EXT1: variants seen among roughly 807,000 people sequenced by gnomAD.
EXT1 encodes the protein exostosin glycosyltransferase 1, also known as exostosin-1.
In EXT1, 20 loss-of-function variants were observed where a neutral mutation model predicts 82.5. The ratio of observed to expected loss-of-function variants is 0.24; its 90% CI spans 0.17 to 0.35. The LOEUF is 0.35. Among genes scored for constraint, EXT1 ranks in the 10% least tolerant of loss-of-function variants. The pLI, the probability that EXT1 is intolerant of heterozygous loss-of-function variation, is 1.00. For synonymous variants in EXT1, 348 were observed against 350.8 expected (o/e 0.99, Z 0.09); for missense variants, 757 against 936.5 (o/e 0.81, Z 2.50).
chr8:118,026,222 T>C (rs1267721752), intron 1 of EXT1, among the ~76,000 whole-genome samples: 1 of 152,130 alleles, frequency 6.6e-6, no homozygotes, highest in African/African-American at 2.4e-5. Flanking sequence ...AATAATGACA[T>C]CACTCCTCTG....
intron 1 of EXT1, among the ~76,000 whole-genome samples, chr8:117,909,206 A>G (rs896399399): frequency 2.0e-5 from 3 of 152,178 alleles, no homozygotes; most frequent in Admixed American, 6.5e-5. Context: ...ATTGCAACCT[A>G]TTCTAAACTA....
chr8:117,975,229 T>C (rs1014635978), intron 1 of EXT1, among the ~76,000 whole-genome samples: 1 of 152,170 alleles, frequency 6.6e-6, no homozygotes, highest in African/African-American at 2.4e-5. Context: ...CTGGTGAGCG[T>C]CCAGCTGGGA....
chr8:117,923,720 T>G (rs1342542225), intron 1 of EXT1, among the ~76,000 whole-genome samples: 6 of 149,552 alleles, frequency 4.0e-5, no homozygotes, highest in Non-Finnish European at 8.9e-5. Context: ...GGCGAGACTC[T>G]GTCTCAAAAA....
intron 1 of EXT1, among the ~76,000 whole-genome samples, chr8:118,028,904 A>G (rs2051893381): frequency 6.6e-6 from 1 of 152,210 alleles, no homozygotes; most frequent in Non-Finnish European, 1.5e-5. Flanking sequence ...CCTGAGCAAC[A>G]AGAGCGAAAT....
chr8:117,921,410 T>G (rs986526229), intron 1 of EXT1, among the ~76,000 whole-genome samples: 1 of 152,206 alleles, frequency 6.6e-6, no homozygotes, highest in African/African-American at 2.4e-5. Flanking sequence ...ATATACTTGA[T>G]AGAGCAACAA....
intron 1 of EXT1, among the ~76,000 whole-genome samples, chr8:117,995,265 T>C (rs1244282651): frequency 6.6e-6 from 1 of 152,202 alleles, no homozygotes; most frequent in Non-Finnish European, 1.5e-5. Flanking sequence ...AATATTTGTT[T>C]TCAATGCAGA....
chr8:117,827,137 C>T (rs1190708279), intron 4 of EXT1, among the ~76,000 whole-genome samples: 4 of 152,072 alleles, frequency 2.6e-5, no homozygotes, highest in Non-Finnish European at 5.9e-5. Flanking sequence ...TTGTGAGATT[C>T]TAGGTGGATA....
chr8:118,101,547 A>G (rs1817719303), intron 1 of EXT1, among the ~76,000 whole-genome samples: 1 of 152,232 alleles, frequency 6.6e-6, no homozygotes. Context: ...ATTAGCTAGA[A>G]GAGTAACATC....
At chr8:117,907,298 T>A (rs1813561543) in intron 1 of EXT1, among the ~76,000 whole-genome samples, 1 of 152,242 alleles carries the variant, frequency 6.6e-6, no homozygotes, top group Non-Finnish European at 1.5e-5. Context: ...CTCTCCACCC[T>A]CACCCTTACT....
At chr8:118,005,719 T>C (rs970504653) in intron 1 of EXT1, among the ~76,000 whole-genome samples, 7 of 152,230 alleles carry the variant, frequency 4.6e-5, no homozygotes, top group Admixed American at 4.6e-4. Flanking sequence ...GCCCTCTCTG[T>C]ACTTTTTCTT....
intron 1 of EXT1, among the ~76,000 whole-genome samples, chr8:117,946,802 A>AT (rs141240124): frequency 0.077 from 11,669 of 152,172 alleles, 1,137 homozygotes; most frequent in African/African-American, 0.23. Context: ...GTTCGGAGGG[A>AT]TTTTCCACCT....
At chr8:117,959,203 T>G (rs968643293) in intron 1 of EXT1, among the ~76,000 whole-genome samples, 1 of 152,214 alleles carries the variant, frequency 6.6e-6, no homozygotes, top group African/African-American at 2.4e-5. Flanking sequence ...TAGGGAAAGC[T>G]GGCCAAGGGA....
At chr8:117,821,232 C>A (rs1036080294) in intron 5 of EXT1, among the ~76,000 whole-genome samples, 2 of 152,180 alleles carry the variant, frequency 1.3e-5, no homozygotes, top group African/African-American at 4.8e-5. Context: ...CATCCAGCAG[C>A]ACTTTAATTG....
chr8:118,026,496 G>A (rs1816205229), intron 1 of EXT1, among the ~76,000 whole-genome samples: 1 of 151,862 alleles, frequency 6.6e-6, no homozygotes, highest in Non-Finnish European at 1.5e-5. Flanking sequence ...ATTCCTAAAA[G>A]GGCAACACAA....
At chr8:117,896,446 G>A (rs1197024789) in intron 1 of EXT1, among the ~76,000 whole-genome samples, 2 of 152,200 alleles carry the variant, frequency 1.3e-5, no homozygotes, top group African/African-American at 2.4e-5. Flanking sequence ...GGAGGAGGGA[G>A]TGTATATGGA....
intron 1 of EXT1, among the ~76,000 whole-genome samples, chr8:118,020,276 A>G (rs925009092): frequency 1.7e-4 from 26 of 152,206 alleles, no homozygotes; most frequent in Non-Finnish European, 3.4e-4. Flanking sequence ...TAACACTACT[A>G]AAGAGTCTAT....
chr8:117,996,410 C>T (rs185940519), intron 1 of EXT1, among the ~76,000 whole-genome samples: 38 of 152,298 alleles, frequency 2.5e-4, no homozygotes, highest in Non-Finnish European at 4.3e-4. Flanking sequence ...TGGCCATGTA[C>T]GGCTAGTGGC....
chr8:117,880,756 A>G (rs1362128716), intron 1 of EXT1, among the ~76,000 whole-genome samples: 2 of 151,890 alleles, frequency 1.3e-5, no homozygotes, highest in African/African-American at 4.8e-5. Context: ...ACGCCTGGCT[A>G]ATTTTTGTAT....
intron 8 of EXT1, among the ~76,000 whole-genome samples, chr8:117,810,843 A>G (rs1460261833): frequency 1.3e-5 from 2 of 152,154 alleles, no homozygotes; most frequent in Non-Finnish European, 2.9e-5. Context: ...CCGGCAGGAA[A>G]ATCGAGGCAG....
Sources: gnomAD v4.1 joint callset for allele counts (sites outside exome capture counted in the v4.1 genomes callset) on GRCh38, gnomAD v4.1.1 for gene constraint, MANE v1.5 for transcripts, NCBI Gene and HGNC (gene_info 2026-07-23, HGNC 2026-07-21) for gene names.